Variants in PLCB1 observed in about 807,000 individuals in gnomAD.
The protein encoded by PLCB1 is 1-phosphatidylinositol 4,5-bisphosphate phosphodiesterase beta-1.
In PLCB1, 46 loss-of-function variants were observed where a neutral mutation model predicts 161.8. The ratio of observed to expected loss-of-function variants is 0.28; its 90% CI spans 0.22 to 0.36. The LOEUF is 0.36. Ranked by LOEUF, PLCB1 falls within the 10% of genes least tolerant of loss-of-function variation. PLCB1 has a pLI of 1.00. For missense variants in PLCB1, 1,016 were observed against 1,472.5 expected (o/e 0.69, Z 5.07); for synonymous variants, 517 against 503.7 (o/e 1.03, Z -0.35).
chr20:8,498,180 C>T (rs567315068), intron 3 of PLCB1, among the ~76,000 whole-genome samples: 29 of 152,294 alleles, frequency 1.9e-4, no homozygotes, highest in South Asian at 1.2e-3. Flanking sequence ...TCACTGCAAT[C>T]GCTGCCTCCC....
At position 8,271,000 on chromosome 20, in the gene PLCB1, G is replaced by A. The variant is rs116403502; in HGVS notation, c.178-100382G>A. 9.0e-3 allele frequency among the ~76,000 whole-genome samples: 1,368 copies of A among 152,136 alleles called. 31 individuals carry two copies. Among genetic ancestry groups the A allele is most frequent in the African/African-American group, 0.031 (1,291 of 41,524 alleles). ...TTACCCACAGCAGTTACCAACCCCC[G>A]TGCTGCTTAGAAGAATGCATTGTTG... is the stretch of plus-strand genomic sequence containing the variant. On this transcript the variant is annotated intron_variant, in intron 2 of 31. Transcript: ENST00000338037.
chr20:8,462,038 CTG>C (rs2122687601), intron 3 of PLCB1, among the ~76,000 whole-genome samples: 1 of 151,928 alleles, frequency 6.6e-6, no homozygotes, highest in South Asian at 2.1e-4. Context: ...TTCATACCCT[CTG>C]TTTATATATA....
chr20:8,843,544 A>G (rs898087751), intron 31 of PLCB1, among the ~76,000 whole-genome samples: 8 of 152,064 alleles, frequency 5.3e-5, no homozygotes, highest in African/African-American at 1.4e-4. Flanking sequence ...AGGCATATTC[A>G]CTTATTTGTG....
Position 8,376,119 on chromosome 20 carries a change from AG to A in PLCB1, c.246+4670del, listed in dbSNP as rs1462738534. ...GGGTCACAGAGGCTCTCCCAACTTT[AG>A]TACATGAAAACTGTGTGCTGCCAAC... On this transcript the variant is annotated intron_variant, in intron 3 of 31. Coordinates refer to ENST00000338037, the MANE Select transcript of PLCB1 (RefSeq NM_015192.4). 4.6e-5 allele frequency among the ~76,000 whole-genome samples: 7 copies of A among 152,278 alleles called. No individual in the cohort carries two copies. In the South Asian group the frequency reaches 1.0e-3, roughly 23 times the overall value.
At chr20:8,720,496 G>A (rs1403814388) in intron 14 of PLCB1, among the ~76,000 whole-genome samples, 1 of 152,168 alleles carries the variant, frequency 6.6e-6, no homozygotes, top group African/African-American at 2.4e-5. Flanking sequence ...AAACGTGACA[G>A]GTATTGTATT....
intron 2 of PLCB1, among the ~76,000 whole-genome samples, chr20:8,174,493 T>C (rs2051763017): frequency 6.6e-6 from 1 of 152,142 alleles, no homozygotes; most frequent in Non-Finnish European, 1.5e-5. Flanking sequence ...AAGGAAAGTA[T>C]AGAAGAAGGA....
At chr20:8,722,237 A>G (rs1358003514) in intron 14 of PLCB1, 117 bp from the exon 15 acceptor site, 6 of 687,562 alleles carry the variant, frequency 8.7e-6, no homozygotes, top group Non-Finnish European at 1.4e-5. Flanking sequence ...AAATAATTTT[A>G]AACAGCCCAA....
At chr20:8,546,343 G>C (rs376201529) in intron 3 of PLCB1, among the ~76,000 whole-genome samples, 3 of 132,170 alleles carry the variant, frequency 2.3e-5, no homozygotes, top group African/African-American at 8.5e-5. Flanking sequence ...AAAAAAGAAA[G>C]AAACTGAAAT....
chr20:8,855,030 G>T (rs1381442610), intron 31 of PLCB1, among the ~76,000 whole-genome samples: 1 of 152,178 alleles, frequency 6.6e-6, no homozygotes, highest in Non-Finnish European at 1.5e-5. Flanking sequence ...TATGCACAAT[G>T]AATTTAAAAT....
intron 2 of PLCB1, among the ~76,000 whole-genome samples, chr20:8,362,381 CTCTTAATA>C (rs1207640645): frequency 1.3e-5 from 2 of 152,116 alleles, no homozygotes; most frequent in Non-Finnish European, 2.9e-5. Context: ...AAAAATATAT[CTCTTAATA>C]TAATGTTTCC....
intron 31 of PLCB1, among the ~76,000 whole-genome samples, chr20:8,865,564 C>CT (rs1987399515): frequency 6.6e-6 from 1 of 152,232 alleles, no homozygotes; most frequent in South Asian, 2.1e-4. Flanking sequence ...AATTTTATTT[C>CT]TTTTTTGTAC....
At chr20:8,500,650 G>T (rs1983367177) in intron 3 of PLCB1, among the ~76,000 whole-genome samples, 1 of 152,082 alleles carries the variant, frequency 6.6e-6, no homozygotes, top group Non-Finnish European at 1.5e-5. Context: ...GTCTCTAAGT[G>T]TTTTATTTCT....
chr20:8,387,855 T>C (rs190872811), intron 3 of PLCB1, among the ~76,000 whole-genome samples: 70 of 151,650 alleles, frequency 4.6e-4, no homozygotes, highest in African/African-American at 1.5e-3. Context: ...TTTGAGAAGA[T>C]GAGAAAGTTC....
At chr20:8,722,269 G>T in intron 14 of PLCB1, 85 bp from the exon 15 acceptor site, 1 of 995,664 alleles carries the variant, frequency 1.0e-6, no homozygotes, top group South Asian at 1.6e-5. Flanking sequence ...ATCTGTAATT[G>T]ATTTTAGGTA....
chr20:8,772,019 C>T (rs959852247), intron 26 of PLCB1, among the ~76,000 whole-genome samples: 1 of 150,678 alleles, frequency 6.6e-6, no homozygotes, highest in African/African-American at 2.4e-5. Flanking sequence ...GTAGCTGGAA[C>T]TAGTCGCATG....
rs144637344 is a variant in PLCB1, at chr20:8,213,082, C to T, written c.177+62711C>T. ...TGTTTCCTTCTGAGTCTTCACAACT[C>T]TATTGTCTCAAAGCTTGATGGTGAC... On this transcript the variant is annotated intron_variant, in intron 2 of 31. Transcript: ENST00000338037. Among the ~76,000 whole-genome samples the T allele has an allele frequency of 1.5e-3, 222 of 152,254 alleles. 1 individual carries two copies. The highest frequency in any genetic ancestry group is 5.0e-3 in the African/African-American group (207 of 41,562).
chr20:8,722,364 T>G lies in PLCB1; in HGVS notation c.1524T>G (p.Asp508Glu). The G allele has an allele frequency of 6.2e-7, 1 of 1,611,368 alleles. No homozygotes were observed. Among genetic ancestry groups the G allele is most frequent in the Non-Finnish European group, 8.5e-7 (1 of 1,178,816 alleles). Residue 508 changes from aspartate to glutamate, a missense_variant, in exon 15 of 32, where the codon GAT (aspartate) becomes GAG (glutamate). By Grantham distance (45) the Asp-to-Glu change is conservative. This residue lies in a region of PLCB1 where 109 missense variants were observed against 129.7 expected (regional missense o/e 0.84). Transcript: ENST00000338037. ...ATTAAAATTTGACAGGAGAAGCTGA[T>G]ACGGAAAGTGACGACGACGATGATG... ...EPSSPGAGEA[D>E]TESDDDDDDD... is the part of the protein sequence containing the mutation.
At chr20:8,535,648 G>T (rs896760513) in intron 3 of PLCB1, among the ~76,000 whole-genome samples, 2 of 152,132 alleles carry the variant, frequency 1.3e-5, no homozygotes. Flanking sequence ...CCCAAAATGT[G>T]AGTAGCTCCA....
chr20:8,386,553 T>A (rs1346625569), intron 3 of PLCB1, among the ~76,000 whole-genome samples: 4 of 152,174 alleles, frequency 2.6e-5, no homozygotes, highest in Non-Finnish European at 4.4e-5. Flanking sequence ...GTGAAATAGG[T>A]TTAGCATAAT....
Sources: gnomAD v4.1 joint callset for allele counts (sites outside exome capture counted in the v4.1 genomes callset) on GRCh38, gnomAD v4.1.1 for gene constraint, gnomAD v4.1.1 regional missense constraint, MANE v1.5 for transcripts, NCBI Gene and HGNC (gene_info 2026-07-23, HGNC 2026-07-21) for gene names.